KANK1: variants seen among roughly 807,000 people sequenced by gnomAD.
The protein encoded by KANK1 is KN motif and ankyrin repeat domains 1, also known as KN motif and ankyrin repeat domain-containing protein 1.
A neutral mutation model predicts 106.2 loss-of-function variants in KANK1; 109 were observed. That is an observed-to-expected ratio of 1.03 (90% confidence interval 0.88 to 1.20). The LOEUF is 1.20. KANK1 is among the 50% of genes most tolerant of loss of function. KANK1 has a pLI of 0.00. For synonymous variants in KANK1, 873 were observed against 652.2 expected (o/e 1.34, Z -5.16); for missense variants, 2,399 against 1,710.7 (o/e 1.40, Z -7.10).
intron 1 of KANK1, among the ~76,000 whole-genome samples, chr9:563,162 G>A (rs1347391175): frequency 2.0e-5 from 3 of 149,040 alleles, no homozygotes; most frequent in South Asian, 2.2e-4. Context: ...AAATCACTTC[G>A]AGCAAATGAA....
chr9:666,909 T>G (rs1844737146), intron 1 of KANK1, among the ~76,000 whole-genome samples: 1 of 147,544 alleles, frequency 6.8e-6, no homozygotes, highest in Non-Finnish European at 1.5e-5. Flanking sequence ...GTCTTTTTTT[T>G]TTTTTTTTTT....
Position 695,291 on chromosome 9 carries a change from T to A in KANK1, c.38-15513T>A, listed in dbSNP as rs913144756. On this transcript the variant is annotated intron_variant, in intron 2 of 11. Coordinates refer to ENST00000382297, the MANE Select transcript of KANK1 (RefSeq NM_015158.5). ...AGAGCTGCAGAATGAGTGTTCAGAA[T>A]AATCGGCACTCACCTTTGCCCTCAT... Among the ~76,000 whole-genome samples, 74 of 152,284 alleles carry A rather than the reference T, an allele frequency of 4.9e-4. 2 individuals carry two copies. The highest frequency in any genetic ancestry group is 4.7e-3 in the Admixed American group (72 of 15,296).
intron 1 of KANK1, among the ~76,000 whole-genome samples, chr9:562,739 C>A (rs1048241165): frequency 6.6e-6 from 1 of 152,172 alleles, no homozygotes; most frequent in Non-Finnish European, 1.5e-5. Context: ...ACAACCGATG[C>A]TAGTGGAGAT....
upstream of KANK1, among the ~76,000 whole-genome samples, chr9:504,513 G>A (rs1479923787): frequency 6.7e-6 from 1 of 150,244 alleles, no homozygotes; most frequent in Non-Finnish European, 1.5e-5. Flanking sequence ...GGGCTTCGCC[G>A]GCCCGCGCCG....
In KANK1 at chr9:635,694, C is replaced by CTTTTTTTTTTT. The variant is rs1162836319; in HGVS notation, c.-83-41184_-83-41174dup. Among the ~76,000 whole-genome samples, 174 of 103,338 alleles carry CTTTTTTTTTTT rather than the reference C, an allele frequency of 1.7e-3. 1 individual carries two copies. The highest frequency in any genetic ancestry group is 1.8e-3 in the Non-Finnish European group (99 of 54,126). 67.8% of individuals were successfully genotyped at this position (103,338 alleles called of 152,430 possible). A position where few individuals can be genotyped will look rare whatever the true frequency, so the allele number is the denominator to read the frequency against. ...CCATTTACCCACATTCCTTTTTATT[C>CTTTTTTTTTTT]TTTTTTTTTTTTTTTTTTTTTTGAG... On this transcript the variant is annotated intron_variant, in intron 1 of 11. Coordinates refer to ENST00000382297, the MANE Select transcript of KANK1 (RefSeq NM_015158.5).
intron 1 of KANK1, among the ~76,000 whole-genome samples, chr9:519,179 T>C (rs1322610609): frequency 1.3e-5 from 2 of 151,712 alleles, no homozygotes; most frequent in East Asian, 1.9e-4. Flanking sequence ...CATGAGACAC[T>C]GCGCCCAGTG....
chr9:487,717 G>A (rs1210590635), intron 3 of KANK1: 1 of 152,204 alleles, frequency 6.6e-6, no homozygotes, highest in Non-Finnish European at 1.5e-5. Flanking sequence ...TAGAAAAACA[G>A]CAGCATGAAG....
At chr9:481,700 T>G (rs111700276) in intron 3 of KANK1, among the ~76,000 whole-genome samples, 2 of 152,012 alleles carry the variant, frequency 1.3e-5, no homozygotes, top group African/African-American at 4.8e-5. Context: ...GAGTGGGGCT[T>G]AAAAGAACAA....
At chr9:744,662 A>G in intron 11 of KANK1, 73 bp downstream of exon 11, 1 of 1,612,716 alleles carries the variant, frequency 6.2e-7, no homozygotes, top group Non-Finnish European at 8.5e-7. Flanking sequence ...TCCTCCAGGA[A>G]TTGACGGGAG....
At chr9:734,311 C>G (rs903556020) in intron 6 of KANK1, 5 of 172,536 alleles carry the variant, frequency 2.9e-5, no homozygotes, top group African/African-American at 1.2e-4. Flanking sequence ...TCTGCCCAAG[C>G]ACCTTGTGCC....
chr9:600,070 T>C (rs1035013691), intron 1 of KANK1, among the ~76,000 whole-genome samples: 6 of 151,888 alleles, frequency 4.0e-5, no homozygotes, highest in African/African-American at 1.5e-4. Flanking sequence ...CATAATTTAC[T>C]ATCTTAACTG....
intron 1 of KANK1, among the ~76,000 whole-genome samples, chr9:620,316 G>A (rs1225145370): frequency 2.0e-5 from 3 of 151,926 alleles, no homozygotes; most frequent in African/African-American, 7.3e-5. Context: ...ACTCTTCAAC[G>A]ATCTGCCCCC....
At chr9:649,542 G>T (rs1840425408) in intron 1 of KANK1, among the ~76,000 whole-genome samples, 1 of 152,210 alleles carries the variant, frequency 6.6e-6, no homozygotes, top group Non-Finnish European at 1.5e-5. Flanking sequence ...TAAGTAAGTA[G>T]TGCCTGATTA....
chr9:585,874 A>G (rs190687352), intron 1 of KANK1, among the ~76,000 whole-genome samples: 142 of 152,352 alleles, frequency 9.3e-4, no homozygotes, highest in Middle Eastern at 3.4e-3. Context: ...AAAGGAAGAT[A>G]AAGTAGTGAT....
At position 712,438 on chromosome 9, in the gene KANK1, A is replaced by C. The variant is rs2130949257; in HGVS notation, c.1672A>C (p.Lys558Gln). Residue 558 changes from lysine (K) to glutamine (Q), a missense_variant, in exon 3 of 12, where the codon AAA (lysine) becomes CAA (glutamine). By Grantham distance (53) the Lys-to-Gln change is moderately conservative (BLOSUM62 1). Coordinates refer to ENST00000382297, the MANE Select transcript of KANK1 (RefSeq NM_015158.5). ...GISCQPECKNKVVGPELPMNW... is the reference protein window; with the variant it reads ...GISCQPECKNQVVGPELPMNW... ...CTCCTGCCAGCCTGAATGTAAGAAT[A>C]AAGTCGTAGGGCCTGAGCTGCCTAT... 1 of 1,614,154 alleles carries C rather than the reference A, an allele frequency of 6.2e-7. No individual in the cohort carries two copies. The highest frequency in any genetic ancestry group is 8.5e-7 in the Non-Finnish European group (1 of 1,180,034).
At chr9:736,495 G>A (rs904514323) in intron 7 of KANK1, among the ~76,000 whole-genome samples, 4 of 151,996 alleles carry the variant, frequency 2.6e-5, no homozygotes, top group Non-Finnish European at 5.9e-5. Flanking sequence ...TTGAGCCCAG[G>A]AGTTCAGTTT....
At position 711,997 on chromosome 9, in the gene KANK1, G is replaced by A. The variant is rs900068781; in HGVS notation, c.1231G>A (p.Asp411Asn). ...TGTGGGTGCCGAGGAGAACATGAAC[G>A]ACATCGTCGTGTACCACAGAGGCTC... is the stretch of plus-strand genomic sequence containing the variant. Reference protein sequence around the residue: ...VAVGAEENMNDIVVYHRGSRS... With the variant: ...VAVGAEENMNNIVVYHRGSRS... Residue 411 changes from aspartate (D) to asparagine (N), a missense_variant, in exon 3 of 12, where the codon GAC becomes AAC. Physicochemically the swap from Asp to Asn is conservative, Grantham distance 23 (BLOSUM62 1). Transcript: ENST00000382297. 8.1e-6 allele frequency: 13 copies of A among 1,614,064 alleles called. No individual in the cohort carries two copies. Among genetic ancestry groups the A allele is most frequent in the Admixed American group, 1.7e-5 (1 of 59,998 alleles).
At chr9:684,659 T>TAG in intron 2 of KANK1, 1 of 816,606 alleles carries the variant, frequency 1.2e-6, no homozygotes, top group Non-Finnish European at 1.5e-6. Context: ...ATCAAAGGTA[T>TAG]AGCTCATTTG....
intron 7 of KANK1, among the ~76,000 whole-genome samples, chr9:736,861 C>G (rs544933464): frequency 3.0e-4 from 46 of 152,342 alleles, no homozygotes; most frequent in African/African-American, 1.0e-3. Flanking sequence ...AAACTTAAAA[C>G]TGGTGCCTTA....
Sources: gnomAD v4.1 joint callset for allele counts (sites outside exome capture counted in the v4.1 genomes callset) on GRCh38, gnomAD v4.1.1 for gene constraint, MANE v1.5 for transcripts, NCBI Gene and HGNC (gene_info 2026-07-23, HGNC 2026-07-21) for gene names.